Variants in FMN2 observed in about 807,000 individuals in gnomAD.
The protein encoded by FMN2 is formin-2.
In FMN2, 51 loss-of-function variants were observed where a neutral mutation model predicts 142.3. That is an observed-to-expected ratio of 0.36 (90% confidence interval 0.29 to 0.45). The LOEUF (loss-of-function observed/expected upper bound fraction) is 0.45. Ranked by LOEUF, FMN2 falls within the 20% of genes least tolerant of loss-of-function variation. The probability of loss-of-function intolerance (pLI) is 1.00; values close to 1 mark genes in which losing one functional copy is unlikely to be tolerated. For synonymous variants in FMN2, 882 were observed against 869.8 expected (o/e 1.01, Z -0.25); for missense variants, 1,936 against 2,122.8 (o/e 0.91, Z 1.73).
Position 240,441,608 on chromosome 1 carries a change from CTTTT to C in FMN2, c.5060+3413_5060+3416del, listed in dbSNP as rs371621331. On this transcript the variant is annotated intron_variant, in intron 16 of 17. Transcript: ENST00000319653. The stretch of plus-strand genomic sequence containing the variant: ...AATTTTTTGATATTTGCATATTGGT[CTTTT>C]TTTTTTTTTTTTTTAGTTAACCACT... Among the ~76,000 whole-genome samples, 407 of 125,128 alleles carry C rather than the reference CTTTT, an allele frequency of 3.3e-3. 2 individuals carry two copies. In the East Asian group the frequency reaches 0.049, roughly 15 times the overall value. The allele number at this position is 125,128 out of a possible 152,430, so 82.1% of individuals were successfully genotyped here.
rs1666504966 is a variant in FMN2, at chr1:240,208,147, C to G, written c.3335C>G (p.Pro1112Arg). The G allele has an allele frequency of 6.4e-6, 8 of 1,257,682 alleles. No homozygotes were observed. Among genetic ancestry groups the G allele is most frequent in the Middle Eastern group, 5.5e-4 (2 of 3,642 alleles). The allele number at this position is 1,257,682 out of a possible 1,614,324, so 77.9% of individuals were successfully genotyped here. ...GGAGTGGGCATACCTCCTCCGCCCC[C>G]TCTACCCGGAGCGGGCATACCCCCT... Reference protein sequence around the residue: ...LPGVGIPPPPPLPGAGIPPPP... With the variant: ...LPGVGIPPPPRLPGAGIPPPP... Residue 1112 changes from proline to arginine, a missense_variant, in exon 5 of 18, where the codon CCT (proline) becomes CGT (arginine). Coordinates refer to ENST00000319653, the MANE Select transcript of FMN2 (RefSeq NM_020066.5).
chr1:240,318,428 T>A (rs1670861694), intron 8 of FMN2, among the ~76,000 whole-genome samples: 1 of 151,930 alleles, frequency 6.6e-6, no homozygotes, highest in African/African-American at 2.4e-5. Context: ...TTTTTTTCCA[T>A]GTATCTGCTG....
At position 240,330,717 on chromosome 1, in the gene FMN2, A is replaced by T; in HGVS notation, c.4552A>T (p.Ile1518Phe). The T allele has an allele frequency of 6.2e-7, 1 of 1,614,016 alleles. No individual in the cohort carries two copies. The highest frequency in any genetic ancestry group is 2.2e-5 in the East Asian group (1 of 44,834). ...RGQADGFGLDILPKLKDVKSS... is the reference protein window; with the variant it reads ...RGQADGFGLDFLPKLKDVKSS... ...ACAGGCAGATGGCTTTGGATTAGACATTCTTCCAAAACTGAAAGATGTCAA... is the reference window on the plus strand; with the variant it reads ...ACAGGCAGATGGCTTTGGATTAGACTTTCTTCCAAAACTGAAAGATGTCAA... The change falls in exon 11 of 18, where the codon ATT becomes TTT. Residue 1518 changes from isoleucine (I) to phenylalanine (F), a missense_variant. Ile to Phe is a conservative substitution (Grantham distance 21, BLOSUM62 0). Coordinates refer to ENST00000319653, the MANE Select transcript of FMN2 (RefSeq NM_020066.5).
chr1:240,374,678 G>A (rs1244085447), intron 14 of FMN2, among the ~76,000 whole-genome samples: 1 of 152,210 alleles, frequency 6.6e-6, no homozygotes, highest in African/African-American at 2.4e-5. Flanking sequence ...TTAAGAGAAT[G>A]TTGTGGCTAG....
chr1:240,236,572 G>A (rs1030266782), intron 6 of FMN2, among the ~76,000 whole-genome samples: 1 of 152,192 alleles, frequency 6.6e-6, no homozygotes, highest in Non-Finnish European at 1.5e-5. Flanking sequence ...TTCTGAGGAG[G>A]CCTCATCACC....
intron 15 of FMN2, among the ~76,000 whole-genome samples, chr1:240,399,540 T>C (rs1488527650): frequency 6.6e-6 from 1 of 152,150 alleles, no homozygotes; most frequent in African/African-American, 2.4e-5. Context: ...CTTATGGTAA[T>C]GAAGATAGGA....
chr1:240,297,963 A>G (rs912385828), intron 8 of FMN2, among the ~76,000 whole-genome samples: 2 of 152,116 alleles, frequency 1.3e-5, no homozygotes, highest in African/African-American at 4.8e-5. Flanking sequence ...GGTCTCTTCT[A>G]CAAGGGCACT....
intron 2 of FMN2, among the ~76,000 whole-genome samples, chr1:240,128,859 A>T (rs2103229283): frequency 6.6e-6 from 1 of 152,226 alleles, no homozygotes; most frequent in East Asian, 1.9e-4. Flanking sequence ...AGAAATTATT[A>T]TGTGCATTTG....
intron 1 of FMN2, among the ~76,000 whole-genome samples, chr1:240,103,498 T>C (rs1285133009): frequency 6.6e-6 from 1 of 152,200 alleles, no homozygotes; most frequent in Non-Finnish European, 1.5e-5. Flanking sequence ...ACACCCTCCT[T>C]CTGGGTTTCC....
chr1:240,365,654 T>C (rs4412583), intron 14 of FMN2, among the ~76,000 whole-genome samples: 108,286 of 152,028 alleles, frequency 0.71, 40,218 homozygotes, highest in African/African-American at 0.93. Flanking sequence ...AATATGGAAC[T>C]ATTCTTCTAT....
chr1:240,192,627 C>T (rs1055457812), intron 4 of FMN2, among the ~76,000 whole-genome samples: 1 of 152,088 alleles, frequency 6.6e-6, no homozygotes, highest in African/African-American at 2.4e-5. Context: ...ATGAGTTAGT[C>T]ATCCTTGAAG....
intron 2 of FMN2, among the ~76,000 whole-genome samples, chr1:240,176,732 T>TA (rs1171049058): frequency 6.6e-6 from 1 of 152,196 alleles, no homozygotes; most frequent in Non-Finnish European, 1.5e-5. Context: ...TTTCTGGTGT[T>TA]GGTCGAGATA....
intron 1 of FMN2, among the ~76,000 whole-genome samples, chr1:240,097,161 A>G (rs1661227768): frequency 6.6e-6 from 1 of 152,140 alleles, no homozygotes; most frequent in Admixed American, 6.5e-5. Context: ...ACATGGAATA[A>G]AAGTTTAATC....
At chr1:240,323,552 A>G (rs1671054128) in intron 8 of FMN2, among the ~76,000 whole-genome samples, 1 of 152,078 alleles carries the variant, frequency 6.6e-6, no homozygotes, top group Non-Finnish European at 1.5e-5. Context: ...TTCCTTATTT[A>G]TGGGCAGTAA....
intron 7 of FMN2, among the ~76,000 whole-genome samples, chr1:240,275,007 G>C (rs16839692): frequency 6.6e-6 from 1 of 151,594 alleles, no homozygotes; most frequent in African/African-American, 2.4e-5. Flanking sequence ...CTGAGACAAA[G>C]TGCATGAACC....
At chr1:240,455,344 T>C (rs1405705653) in intron 16 of FMN2, among the ~76,000 whole-genome samples, 1 of 152,048 alleles carries the variant, frequency 6.6e-6, no homozygotes, top group African/African-American at 2.4e-5. Context: ...AAGATCCCCA[T>C]CTCTACAAAA....
chr1:240,108,442 T>TA (rs1661692389), intron 1 of FMN2, among the ~76,000 whole-genome samples: 1 of 152,184 alleles, frequency 6.6e-6, no homozygotes. Context: ...GAATATGTGA[T>TA]ATCTCTGTAT....
chr1:240,470,207 G>GAAA (rs11422809), intron 16 of FMN2, among the ~76,000 whole-genome samples: 6,539 of 130,860 alleles, frequency 0.05, 554 homozygotes, highest in African/African-American at 0.17. Context: ...ACTAAGTGCT[G>GAAA]AAAAAAAAAA....
rs1467733153 is a variant in FMN2, at chr1:240,434,697, G to C, written c.4911-3364G>C. Among the ~76,000 whole-genome samples, 17 of 150,956 alleles carry C rather than the reference G, an allele frequency of 1.1e-4. No homozygotes were observed. In the South Asian group the frequency reaches 3.6e-3, roughly 32 times the overall value. On this transcript the variant is annotated intron_variant, in intron 15 of 17. Coordinates refer to ENST00000319653, the MANE Select transcript of FMN2 (RefSeq NM_020066.5). ...CTGCCTCAGCCTCCCAAGTAACTGG[G>C]ATTACAGGCACCCACAACCACACCC...
Sources: gnomAD v4.1 joint callset for allele counts (sites outside exome capture counted in the v4.1 genomes callset) on GRCh38, gnomAD v4.1.1 for gene constraint, MANE v1.5 for transcripts, NCBI Gene and HGNC (gene_info 2026-07-23, HGNC 2026-07-21) for gene names.